The following BICD1 variants were observed in gnomAD, a reference collection of about 807,000 sequenced individuals.
BICD1 encodes BICD cargo adaptor 1.
BICD1 carries 35 observed loss-of-function variants against 92.5 expected under a neutral mutation model. That is an observed-to-expected ratio of 0.38 (90% CI 0.29 to 0.50). The LOEUF is 0.50. Among genes scored for constraint, BICD1 ranks in the 20% least tolerant of loss-of-function variants. The pLI is 0.93. For missense variants in BICD1, 950 were observed against 1,189.8 expected, an observed-to-expected ratio of 0.80 and a Z score of 2.97; for synonymous variants, 429 against 465.1, an observed-to-expected ratio of 0.92 and a Z score of 1.00.
intron 8 of BICD1, among the ~76,000 whole-genome samples, chr12:32,358,277 T>A (rs12827421): frequency 0.41 from 61,618 of 151,526 alleles, 14,076 homozygotes; most frequent in Non-Finnish European, 0.51. Flanking sequence ...ATTTTTGTTA[T>A]TTTAGTAGAG....
At chr12:32,288,016 T>G (rs965005536) in intron 2 of BICD1, among the ~76,000 whole-genome samples, 1 of 152,062 alleles carries the variant, frequency 6.6e-6, no homozygotes, top group African/African-American at 2.4e-5. Flanking sequence ...ATAGTCACAG[T>G]GTTACAAGAC....
chr12:32,126,944 T>A (rs1942367533), intron 1 of BICD1, among the ~76,000 whole-genome samples: 1 of 152,202 alleles, frequency 6.6e-6, no homozygotes, highest in African/African-American at 2.4e-5. Context: ...TTTATGACTA[T>A]CCTGCACTGA....
chr12:32,293,341 A>G (rs261876), intron 2 of BICD1, among the ~76,000 whole-genome samples: 109,275 of 151,976 alleles, frequency 0.72, 39,612 homozygotes, highest in African/African-American at 0.79. Flanking sequence ...TTTTTGAGAT[A>G]GAGTCTTGCT....
At chr12:32,301,720 A>G (rs1244960308) in intron 3 of BICD1, among the ~76,000 whole-genome samples, 2 of 151,834 alleles carry the variant, frequency 1.3e-5, no homozygotes, top group African/African-American at 4.8e-5. Flanking sequence ...GGCTGTAGTG[A>G]GCTGTGATCA....
chr12:32,150,268 A>T (rs1004139599), intron 1 of BICD1, among the ~76,000 whole-genome samples: 1 of 152,182 alleles, frequency 6.6e-6, no homozygotes, highest in Non-Finnish European at 1.5e-5. Flanking sequence ...ATACTATCAC[A>T]TTGGATTTTA....
At position 32,167,885 on chromosome 12, in the gene BICD1, C is replaced by T. The variant is rs561366514; in HGVS notation, c.214-48362C>T. ...CAGGCTTCCTTGTACCAAATCTCAG[C>T]CCTACCGCTAACTAGCTTTTTGACT... On this transcript the variant is annotated intron_variant, in intron 1 of 9. Transcript: ENST00000652176. 2.6e-5 allele frequency among the ~76,000 whole-genome samples: 4 copies of T among 152,060 alleles called. 1 individual carries two copies. The highest frequency in any genetic ancestry group is 9.6e-5 in the African/African-American group (4 of 41,556).
intron 8 of BICD1, among the ~76,000 whole-genome samples, chr12:32,348,714 T>TCACA (rs1476376231): frequency 9.4e-4 from 128 of 136,334 alleles, no homozygotes; most frequent in African/African-American, 3.2e-3. Context: ...GCTTTCTAGC[T>TCACA]CACACAAAAA....
At chr12:32,236,386 CT>C (rs1337865000) in intron 2 of BICD1, among the ~76,000 whole-genome samples, 1 of 151,496 alleles carries the variant, frequency 6.6e-6, no homozygotes, top group Non-Finnish European at 1.5e-5. Flanking sequence ...TAGAGCAAGA[CT>C]CCATCTCAAA....
chr12:32,363,011 C>T (rs1294036864), intron 8 of BICD1, among the ~76,000 whole-genome samples: 3 of 152,118 alleles, frequency 2.0e-5, no homozygotes, highest in South Asian at 2.1e-4. Context: ...GAGTTCAAGA[C>T]CAGGCTTTAA....
In BICD1 at chr12:32,378,080, T is replaced by C. The variant is rs527982333; in HGVS notation, c.*453T>C. 3 of 152,884 alleles carry C rather than the reference T, an allele frequency of 2.0e-5. No individual in the cohort carries two copies. Among genetic ancestry groups the C allele is most frequent in the African/African-American group, 4.8e-5 (2 of 41,584 alleles). The allele number at this position is 152,884 out of a possible 1,614,324, so 9.5% of individuals were successfully genotyped here. On this transcript the variant is annotated 3_prime_UTR_variant, in exon 10 of 10. Transcript: ENST00000652176. ...TTATTTGCTACATGATTTATGTCTA[T>C]ACAAATAATTTCTCTGAGGTGAATT... is the stretch of plus-strand genomic sequence containing the variant.
At chr12:32,178,614 C>T (rs1944186261) in intron 1 of BICD1, among the ~76,000 whole-genome samples, 1 of 151,922 alleles carries the variant, frequency 6.6e-6, no homozygotes, top group Non-Finnish European at 1.5e-5. Context: ...CAGGATTTGA[C>T]TTGATTAGAA....
At chr12:32,113,895 A>T (rs1409295675) in intron 1 of BICD1, among the ~76,000 whole-genome samples, 1 of 149,862 alleles carries the variant, frequency 6.7e-6, no homozygotes, top group Non-Finnish European at 1.5e-5. Flanking sequence ...TTTCCAAGAC[A>T]GAATCTCGCT....
chr12:32,337,915 G>A lies in BICD1; in HGVS notation c.2570+99G>A, dbSNP rs7309590. 0.23 allele frequency: 315,360 copies of A among 1,383,924 alleles called. 40,929 individuals carry two copies. The highest frequency in any genetic ancestry group is 0.65 in the East Asian group (27,642 of 42,598). 85.7% of individuals were successfully genotyped at this position (1,383,924 alleles called of 1,614,324 possible). A position where few individuals can be genotyped will look rare whatever the true frequency, so the allele number is the denominator to read the frequency against. ...TGTTGTGGAGGATGGAGGAGGGGAA[G>A]CAAAAGAAAAAATGGGAGCTGGCAT... is the stretch of plus-strand genomic sequence containing the variant. On this transcript the variant is annotated intron_variant, in intron 7 of 9. Transcript: ENST00000652176. This position sits in a 1 kb window ranked among gnomAD's most constrained non-coding sequence, Gnocchi z 4.7.
At chr12:32,146,991 ATG>A (rs1193976872) in intron 1 of BICD1, among the ~76,000 whole-genome samples, 1 of 150,452 alleles carries the variant, frequency 6.6e-6, no homozygotes, top group Non-Finnish European at 1.5e-5. Context: ...CCAGGCTGGA[ATG>A]TAGTGGTATG....
chr12:32,324,143 C>T (rs1392738459), intron 4 of BICD1, among the ~76,000 whole-genome samples: 2 of 152,048 alleles, frequency 1.3e-5, no homozygotes, highest in Admixed American at 1.3e-4. Context: ...AGCCGCCAGG[C>T]TGAAACCCCA....
chr12:32,159,487 A>AAGAT (rs1943538142), intron 1 of BICD1, among the ~76,000 whole-genome samples: 2 of 152,164 alleles, frequency 1.3e-5, no homozygotes, highest in Non-Finnish European at 2.9e-5. Context: ...GCATCACTAT[A>AAGAT]ATAGCATGGT....
chr12:32,376,270 G>T (rs982552867), intron 9 of BICD1, among the ~76,000 whole-genome samples: 2 of 151,728 alleles, frequency 1.3e-5, no homozygotes, highest in Non-Finnish European at 2.9e-5. Context: ...TGTATTTTTA[G>T]TAGAGACAGG....
intron 2 of BICD1, among the ~76,000 whole-genome samples, chr12:32,266,211 A>G (rs1388570308): frequency 1.3e-5 from 2 of 152,190 alleles, no homozygotes; most frequent in Non-Finnish European, 2.9e-5. Flanking sequence ...CAATGGTGGA[A>G]GGAGGGGAAC....
At chr12:32,188,600 G>A (rs1294069135) in intron 1 of BICD1, among the ~76,000 whole-genome samples, 1 of 152,244 alleles carries the variant, frequency 6.6e-6, no homozygotes, top group Non-Finnish European at 1.5e-5. Flanking sequence ...GAGAGACAGA[G>A]TATGTGCACA....
Sources: allele counts gnomAD v4.1 joint callset (sites outside exome capture counted in the v4.1 genomes callset), GRCh38; gene constraint gnomAD v4.1.1; non-coding constraint Gnocchi (gnomAD v3.1); transcripts MANE v1.5; gene names NCBI Gene and HGNC (gene_info 2026-07-23, HGNC 2026-07-21).